MTBP: variants seen among roughly 807,000 people sequenced by gnomAD.
MTBP encodes the protein MDM2 binding protein.
A neutral mutation model predicts 117.0 loss-of-function variants in MTBP; 101 were observed. The observed-to-expected ratio is 0.86, with a 90% CI of 0.73 to 1.02. MTBP has a LOEUF of 1.02. Among genes scored for constraint, MTBP ranks in the 50% least tolerant of loss-of-function variants. The probability of loss-of-function intolerance (pLI) is 0.00; values close to 1 mark genes in which losing one functional copy is unlikely to be tolerated. For synonymous variants in MTBP, 350 were observed against 351.5 expected, an observed-to-expected ratio of 1.00 and a Z score of 0.05; for missense variants, 970 against 1,030.9, an observed-to-expected ratio of 0.94 and a Z score of 0.81.
intron 13 of MTBP, 129 bp from the exon 14 acceptor site, chr8:120,497,264 C>T (rs1814485952): frequency 1.2e-6 from 1 of 804,442 alleles, no homozygotes; most frequent in Non-Finnish European, 1.9e-6. Flanking sequence ...GCCTACAATC[C>T]TGAAAACAGG....
At chr8:120,467,233 C>G (rs1035796145) in intron 10 of MTBP, among the ~76,000 whole-genome samples, 1 of 152,184 alleles carries the variant, frequency 6.6e-6, no homozygotes, top group Non-Finnish European at 1.5e-5. Flanking sequence ...GGAAATATTT[C>G]TTCAGAGAGA....
rs373558471 is a variant in MTBP at position 120,452,156 on chromosome 8, G to C, written c.425+834G>C. The C allele has an allele frequency of 1.4e-3, 214 of 152,116 alleles. 3 individuals are homozygous for C. Among genetic ancestry groups the C allele is most frequent in the African/African-American group, 4.9e-3 (202 of 41,502 alleles). 9.4% of individuals were successfully genotyped at this position (152,116 alleles called of 1,614,324 possible). A position where few individuals can be genotyped will look rare whatever the true frequency, so the allele number is the denominator to read the frequency against. ...AAGTTGTGATAATAATTTTTCTCTT[G>C]ATGAAATATCCCACCTCTTATAGTT... is the stretch of plus-strand genomic sequence containing the variant. On this transcript the variant is annotated intron_variant, in intron 4 of 21. Transcript: ENST00000305949.
chr8:120,461,611 G>A (rs1813584894), intron 9 of MTBP, among the ~76,000 whole-genome samples: 1 of 152,096 alleles, frequency 6.6e-6, no homozygotes, highest in African/African-American at 2.4e-5. Context: ...TTCTCTGCTT[G>A]AGCACAGGAC....
rs368981910 is a variant in MTBP, at chr8:120,523,304, G to C, written c.2683G>C (p.Asp895His). ...ATATTTTTTCTCCCCCTAGGTGATT[G>C]ACTGGGTATTAGAAAAGACAAGCAA... is the stretch of plus-strand genomic sequence containing the variant. ...TANNNAVQVI[D>H]WVLEKTSKK The change falls in exon 22 of 22, where the codon GAC (aspartate) becomes CAC (histidine). Residue 895 changes from aspartate to histidine, a missense_variant. By Grantham distance (81) the Asp-to-His change is moderately conservative. Coordinates refer to ENST00000305949, the MANE Select transcript of MTBP (RefSeq NM_022045.5). The C allele has an allele frequency of 6.4e-6, 10 of 1,554,466 alleles. No homozygotes were observed. Among genetic ancestry groups the C allele is most frequent in the African/African-American group, 2.7e-5 (2 of 72,802 alleles).
chr8:120,480,375 A>C (rs1446067802), intron 11 of MTBP, among the ~76,000 whole-genome samples: 1 of 152,150 alleles, frequency 6.6e-6, no homozygotes, highest in African/African-American at 2.4e-5. Flanking sequence ...ACGCCACTGC[A>C]CTCCAGCCTG....
At chr8:120,498,231 ATTATTGTGAGGATTAGTAGG>A (rs377106609) in intron 14 of MTBP, among the ~76,000 whole-genome samples, 2 of 152,110 alleles carry the variant, frequency 1.3e-5, no homozygotes, top group African/African-American at 4.8e-5. Flanking sequence ...ACTTACTAGG[ATTATTGTGAGGATTAGTAGG>A]TTATTGTGAG....
chr8:120,459,273 T>G lies in MTBP; in HGVS notation c.806T>G (p.Phe269Cys). The G allele has an allele frequency of 1.2e-6, 2 of 1,611,016 alleles. No individual in the cohort carries two copies. Among genetic ancestry groups the G allele is most frequent in the East Asian group, 4.5e-5 (2 of 44,678 alleles). Reference protein sequence around the residue: ...FCLKGVTLKNFSTSNLNTDFL... With the variant: ...FCLKGVTLKNCSTSNLNTDFL... ...TTAAAGGGAGTCACACTTAAGAATT[T>G]TAGTACTTCTAATTTAAATACTGAC... Residue 269 changes from phenylalanine to cysteine, a missense_variant, in exon 8 of 22, where the codon TTT becomes TGT. Phe to Cys is a radical substitution (Grantham distance 205). Coordinates refer to ENST00000305949, the MANE Select transcript of MTBP (RefSeq NM_022045.5).
chr8:120,513,896 A>G (rs1429734028), intron 17 of MTBP, among the ~76,000 whole-genome samples: 1 of 151,930 alleles, frequency 6.6e-6, no homozygotes, highest in Non-Finnish European at 1.5e-5. Context: ...CTTAAGCAAC[A>G]GACTAGAGAA....
At chr8:120,490,039 G>A (rs1286154773) in intron 12 of MTBP, among the ~76,000 whole-genome samples, 1 of 152,168 alleles carries the variant, frequency 6.6e-6, no homozygotes, top group Non-Finnish European at 1.5e-5. Context: ...GCTATCATGG[G>A]ACCATCCAGC....
At chr8:120,505,160 T>TA (rs1202163355) in intron 15 of MTBP, among the ~76,000 whole-genome samples, 1 of 152,140 alleles carries the variant, frequency 6.6e-6, no homozygotes, top group Admixed American at 6.6e-5. Flanking sequence ...TTGCTTTCTA[T>TA]AGGTAGTTGG....
At chr8:120,500,892 A>G (rs1814568854) in intron 14 of MTBP, among the ~76,000 whole-genome samples, 1 of 151,450 alleles carries the variant, frequency 6.6e-6, no homozygotes. Flanking sequence ...CCTTTTCTCT[A>G]CTAAAAATAC....
intron 11 of MTBP, among the ~76,000 whole-genome samples, chr8:120,477,131 GACAGAA>G (rs1813959821): frequency 6.6e-6 from 1 of 152,162 alleles, no homozygotes; most frequent in Non-Finnish European, 1.5e-5. Flanking sequence ...TGACAAACCT[GACAGAA>G]ACAAACAATG....
chr8:120,516,416 A>ATT (rs1424052035), intron 18 of MTBP, among the ~76,000 whole-genome samples: 1 of 151,950 alleles, frequency 6.6e-6, no homozygotes, highest in East Asian at 1.9e-4. Flanking sequence ...AGCACAATGG[A>ATT]TTGTAAAGTT....
intron 14 of MTBP, among the ~76,000 whole-genome samples, chr8:120,501,285 C>G (rs1351428127): frequency 6.6e-6 from 1 of 151,820 alleles, no homozygotes; most frequent in Non-Finnish European, 1.5e-5. Flanking sequence ...TGGCGTGAAC[C>G]TGGGAGGCGG....
In MTBP at chr8:120,463,698, G is replaced by A. The variant is rs756928128; in HGVS notation, c.984G>A (p.Leu328=). 1.9e-6 allele frequency: 3 copies of A among 1,610,018 alleles called. No homozygotes were observed. Among genetic ancestry groups the A allele is most frequent in the South Asian group, 2.2e-5 (2 of 90,438 alleles). Residue 328 remains leucine (L), a synonymous_variant, in exon 10 of 22, where the codon TTG becomes TTA. Coordinates refer to ENST00000305949, the MANE Select transcript of MTBP (RefSeq NM_022045.5). ...CTTTAACTCCTTAGTACAGAGGATT[G>A]ACAAACAGTACCAAACAGAATTCTG... ...YMSDIEFELG[L]TNSTKQNSVL... is the part of the protein sequence containing the mutation.
intron 5 of MTBP, among the ~76,000 whole-genome samples, chr8:120,454,375 A>G (rs1391762574): frequency 7.9e-5 from 12 of 152,036 alleles, no homozygotes; most frequent in Non-Finnish European, 8.8e-5. Flanking sequence ...TTTTTATAGA[A>G]CCTATTTTTT....
intron 11 of MTBP, chr8:120,472,450 A>T (rs562469971): frequency 9.7e-6 from 1 of 102,686 alleles, no homozygotes; most frequent in East Asian, 3.0e-4. Context: ...CAAACATTTT[A>T]TTTGCTTATA....
chr8:120,453,396 G>C (rs1383150337), intron 4 of MTBP, among the ~76,000 whole-genome samples: 1 of 152,002 alleles, frequency 6.6e-6, no homozygotes, highest in East Asian at 1.9e-4. Context: ...GCAGTGAGCT[G>C]TGATCATGCC....
intron 2 of MTBP, among the ~76,000 whole-genome samples, chr8:120,449,151 A>C (rs1036818634): frequency 6.6e-6 from 1 of 152,128 alleles, no homozygotes; most frequent in African/African-American, 2.4e-5. Context: ...GGTGGAGGAA[A>C]GTGGATAGAT....
Sources: gnomAD v4.1 joint callset for allele counts (sites outside exome capture counted in the v4.1 genomes callset) on GRCh38, gnomAD v4.1.1 for gene constraint, MANE v1.5 for transcripts, NCBI Gene and HGNC (gene_info 2026-07-23, HGNC 2026-07-21) for gene names.